Variants in ABCC3 observed in about 807,000 individuals in gnomAD.
ABCC3 encodes the protein ATP-binding cassette sub-family C member 3.
Under a neutral mutation model 165.3 loss-of-function variants are expected in ABCC3, and 121 were observed. That is an observed-to-expected ratio of 0.73 (90% CI 0.63 to 0.85). The LOEUF (loss-of-function observed/expected upper bound fraction) is 0.85, where lower values mean the gene tolerates loss of function less well. Among genes scored for constraint, ABCC3 ranks in the 40% least tolerant of loss-of-function variants. ABCC3 has a pLI of 0.00. For missense variants in ABCC3, 1,869 were observed against 1,964.1 expected (o/e 0.95, Z 0.92); for synonymous variants, 733 against 810.1 (o/e 0.90, Z 1.62).
rs1182970588 is a variant in ABCC3 at position 50,675,487 on chromosome 17, G to A, written c.2714+11G>A. The stretch of plus-strand genomic sequence containing the variant: ...GAAGCAGTTTATGAGGTGAGTTCCT[G>A]AGAGCTCCCAGCCCTCCCGGAGGCT... On this transcript the variant is annotated intron_variant, in intron 20 of 30. Coordinates refer to ENST00000285238, the MANE Select transcript of ABCC3 (RefSeq NM_003786.4). The A allele has an allele frequency of 3.7e-6, 6 of 1,610,348 alleles. No individual in the cohort carries two copies. Among genetic ancestry groups the A allele is most frequent in the Admixed American group, 1.7e-5 (1 of 59,708 alleles).
Position 50,655,931 on chromosome 17 carries a change from C to T in ABCC3, c.145C>T (p.Leu49=), listed in dbSNP as rs772296089. Residue 49 remains leucine, a synonymous_variant, in exon 2 of 31, where the codon CTG becomes TTG. Transcript: ENST00000285238. ...GCCCTGCATCTACCTGTGGGTCGCC[C>T]TGCCCTGCTACTTGCTCTACCTGCG... ...WVPCIYLWVA[L]PCYLLYLRHH... 2.5e-6 allele frequency: 4 copies of T among 1,614,002 alleles called. No individual in the cohort carries two copies. The highest frequency in any genetic ancestry group is 3.3e-5 in the Admixed American group (2 of 59,998).
At chr17:50,670,009 T>C (rs972884492) in intron 17 of ABCC3, among the ~76,000 whole-genome samples, 55 of 152,064 alleles carry the variant, frequency 3.6e-4, no homozygotes, top group African/African-American at 1.3e-3. Context: ...TCGCCCAGGC[T>C]GGCTCAGGAG....
Position 50,655,885 on chromosome 17 carries a change from G to C in ABCC3, c.99G>C (p.Gln33His). 6.2e-7 allele frequency: 1 copy of C among 1,613,914 alleles called. No individual in the cohort carries two copies. The highest frequency in any genetic ancestry group is 1.3e-5 in the African/African-American group (1 of 74,964). The change falls in exon 2 of 31, where the codon CAG (glutamine) becomes CAC (histidine). Residue 33 changes from glutamine (Q) to histidine (H), a missense_variant. Gln to His is a conservative substitution (Grantham distance 24, BLOSUM62 0). Coordinates refer to ENST00000285238, the MANE Select transcript of ABCC3 (RefSeq NM_003786.4). Reference protein sequence around the residue: ...TENPDLTPCFQNSLLAWVPCI... With the variant: ...TENPDLTPCFHNSLLAWVPCI... ...ACCCGGACCTCACTCCCTGCTTCCA[G>C]AACTCCCTGCTGGCCTGGGTGCCCT...
chr17:50,682,165 A>T (rs1967940405), intron 26 of ABCC3, among the ~76,000 whole-genome samples: 1 of 151,990 alleles, frequency 6.6e-6, no homozygotes, highest in African/African-American at 2.4e-5. Context: ...TCCCGGAAGA[A>T]CTGCGCGTTT....
At position 50,684,907 on chromosome 17, in the gene ABCC3, G is replaced by A. The variant is rs372189104; in HGVS notation, c.4280+32G>A. 8.1e-6 allele frequency: 13 copies of A among 1,604,318 alleles called. No individual in the cohort carries two copies. In the African/African-American group the frequency reaches 1.7e-4, roughly 21 times the overall value. On this transcript the variant is annotated intron_variant, in intron 29 of 30. Transcript: ENST00000285238. ...ACTGGGAGTGCAGAGGTCAGGAACT[G>A]CAACCCTCCCTGGGAAACCCTGGCG...
At chr17:50,642,220 GT>G (rs1328340213) in intron 1 of ABCC3, among the ~76,000 whole-genome samples, 3 of 152,240 alleles carry the variant, frequency 2.0e-5, no homozygotes, top group Admixed American at 2.0e-4. Context: ...CAAGAGCTCA[GT>G]TCTGGACGTG....
At chr17:50,676,719 T>A in intron 23 of ABCC3, 131 bp downstream of exon 23, 1 of 881,280 alleles carries the variant, frequency 1.1e-6, no homozygotes, top group Non-Finnish European at 1.7e-6. Flanking sequence ...AGTCGTTGCT[T>A]AACATTTATG....
Position 50,677,908 on chromosome 17 carries a change from C to G in ABCC3, c.3543C>G (p.Asn1181Lys). Residue 1181 changes from asparagine (N) to lysine (K), a missense_variant, in exon 24 of 31, where the codon AAC becomes AAG. Transcript: ENST00000285238. ...TCAGTGATACTAAGGTGGATGCCAA[C>G]CAGAGAAGCTGCTACCCCTACATCA... Reference protein sequence around the residue: ...EIISDTKVDANQRSCYPYIIS... With the variant: ...EIISDTKVDAKQRSCYPYIIS... 2 of 1,614,166 alleles carry G rather than the reference C, an allele frequency of 1.2e-6. No individual in the cohort carries two copies. Among genetic ancestry groups the G allele is most frequent in the Non-Finnish European group, 1.7e-6 (2 of 1,180,030 alleles).
intron 26 of ABCC3, 65 bp downstream of exon 26, chr17:50,679,964 C>A: frequency 1.6e-6 from 2 of 1,288,184 alleles, no homozygotes; most frequent in Non-Finnish European, 2.2e-6. Flanking sequence ...AGCTTGGTGG[C>A]TCTCTCTCCC....
chr17:50,673,967 T>TCCTTCCTTCCTTCCTTCCTTCCTTC (rs1393138560), intron 19 of ABCC3, among the ~76,000 whole-genome samples: 1 of 16,516 alleles, frequency 6.1e-5, no homozygotes, highest in Non-Finnish European at 1.1e-4. Context: ...TTTCTTTCTT[T>TCCTTCCTTCCTTCCTTCCTTCCTTC]CTTTCTTTCT....
chr17:50,673,962 T>TC (rs1967717767), intron 19 of ABCC3, among the ~76,000 whole-genome samples: 1 of 20,690 alleles, frequency 4.8e-5, no homozygotes, highest in African/African-American at 2.3e-4. Flanking sequence ...CTTTCTTTCT[T>TC]TCTTTCTTTC....
intron 1 of ABCC3, among the ~76,000 whole-genome samples, chr17:50,649,733 GAAGA>G (rs1238075345): frequency 6.7e-6 from 1 of 149,998 alleles, no homozygotes; most frequent in Non-Finnish European, 1.5e-5. Context: ...AGGAAGGAAG[GAAGA>G]AAGAGAGAGA....
At chr17:50,644,732 AC>A (rs979319440) in intron 1 of ABCC3, among the ~76,000 whole-genome samples, 3 of 150,770 alleles carry the variant, frequency 2.0e-5, no homozygotes, top group African/African-American at 7.3e-5. Context: ...CAAAACAAAA[AC>A]CAAGGCCGGG....
intron 26 of ABCC3, among the ~76,000 whole-genome samples, chr17:50,682,633 T>C (rs1328822774): frequency 6.6e-6 from 1 of 152,172 alleles, no homozygotes; most frequent in Admixed American, 6.5e-5. Context: ...TACTAAAGTC[T>C]GCCTCCTCCA....
At chr17:50,651,481 G>A (rs1233954683) in intron 1 of ABCC3, among the ~76,000 whole-genome samples, 3 of 152,192 alleles carry the variant, frequency 2.0e-5, no homozygotes, top group Admixed American at 2.0e-4. Flanking sequence ...CTAGCACTTT[G>A]GGAGGCTGAG....
intron 30 of ABCC3, among the ~76,000 whole-genome samples, chr17:50,689,424 AC>A (rs1968079471): frequency 6.6e-6 from 1 of 152,192 alleles, no homozygotes; most frequent in South Asian, 2.1e-4. Context: ...CAGAAGCCTC[AC>A]GGGAGTGAAC....
chr17:50,678,183 G>A lies in ABCC3; in HGVS notation c.3669G>A (p.Pro1223=), dbSNP rs142870314. The A allele has an allele frequency of 6.3e-5, 97 of 1,539,578 alleles. No individual in the cohort carries two copies. The highest frequency in any genetic ancestry group is 1.9e-4 in the African/African-American group (14 of 72,690). ...TCATCGGGAGGAGCAGCCTGAACCC[G>A]GGGCTGGTGGGCCTTTCTGTGTCCT... ...FAVIGRSSLN[P]GLVGLSVSYS... Residue 1223 remains proline, a synonymous_variant, in exon 25 of 31, where the codon CCG becomes CCA. Transcript: ENST00000285238.
rs777545379 is a variant in ABCC3 at position 50,683,626 on chromosome 17, A to G, written c.3824A>G (p.Glu1275Gly). Residue 1275 changes from glutamate (E) to glycine (G), a missense_variant, in exon 27 of 31, where the codon GAA becomes GGA. By Grantham distance (98) the Glu-to-Gly change is moderately conservative. Transcript: ENST00000285238. ...KTETEAPWVV[E>G]GSRPPEGWPP... ...TCCTGCCAGGCGCCCTGGGTGGTGG[A>G]AGGCAGCCGCCCTCCCGAAGGTTGG... The G allele has an allele frequency of 8.2e-6, 13 of 1,581,032 alleles. No homozygotes were observed. In the East Asian group the frequency reaches 2.5e-4, roughly 31 times the overall value.
chr17:50,645,700 A>G (rs997815652), intron 1 of ABCC3, among the ~76,000 whole-genome samples: 20 of 152,114 alleles, frequency 1.3e-4, no homozygotes, highest in African/African-American at 4.6e-4. Context: ...TCCCGGGCTC[A>G]AGAGATCCTC....
Sources: gnomAD v4.1 joint callset for allele counts (sites outside exome capture counted in the v4.1 genomes callset) on GRCh38, gnomAD v4.1.1 for gene constraint, MANE v1.5 for transcripts, NCBI Gene and HGNC (gene_info 2026-07-23, HGNC 2026-07-21) for gene names.